C1QTNF3: variants seen among roughly 807,000 people sequenced by gnomAD.
The protein encoded by C1QTNF3 is complement C1q tumor necrosis factor-related protein 3.
C1QTNF3 carries 26 observed loss-of-function variants against 32.6 expected under a neutral mutation model. The ratio of observed to expected loss-of-function variants is 0.80; its 90% CI spans 0.58 to 1.11. C1QTNF3 has a LOEUF of 1.11. Ranked by LOEUF, C1QTNF3 falls within the 50% of genes least tolerant of loss-of-function variation. The pLI is 0.00. For missense variants in C1QTNF3, 362 were observed against 398.2 expected (o/e 0.91, Z 0.77); for synonymous variants, 155 against 146.0 (o/e 1.06, Z -0.44).
the C1QTNF3 span, among the ~76,000 whole-genome samples, chr5:34,215,351 G>A: frequency 6.6e-6 from 1 of 152,078 alleles, no homozygotes; most frequent in Admixed American, 6.6e-5. Flanking sequence ...GAAAAACTTT[G>A]ATGTGCTACA....
chr5:34,172,000 A>G, the C1QTNF3 span, among the ~76,000 whole-genome samples: 2 of 152,210 alleles, frequency 1.3e-5, no homozygotes, highest in South Asian at 4.1e-4. Context: ...TCAGAATTTC[A>G]TGAGATGTTG....
chr5:34,033,498 AC>A lies in C1QTNF3; in HGVS notation c.416-41del, dbSNP rs561958508. ...CATCATCACATGAGAAAACCCAGTCACTCATACTTACCATCCATTTCTAGAC... is the reference window on the plus strand; with the variant it reads ...CATCATCACATGAGAAAACCCAGTCATCATACTTACCATCCATTTCTAGAC... On this transcript the variant is annotated intron_variant, in intron 2 of 5. Coordinates refer to ENST00000382065, the MANE Select transcript of C1QTNF3 (RefSeq NM_181435.6). The A allele has an allele frequency of 4.0e-5, 65 of 1,612,658 alleles. No homozygotes were observed. In the African/African-American group the frequency reaches 8.1e-4, roughly 20 times the overall value.
chr5:34,230,669 C>T, the C1QTNF3 span, among the ~76,000 whole-genome samples: 3 of 152,124 alleles, frequency 2.0e-5, no homozygotes, highest in East Asian at 1.9e-4. Context: ...TTACATATAG[C>T]GTAAATCAAT....
chr5:34,032,692 A>AG (rs1754644747), intron 3 of C1QTNF3, among the ~76,000 whole-genome samples: 1 of 152,134 alleles, frequency 6.6e-6, no homozygotes, highest in Non-Finnish European at 1.5e-5. Context: ...AGCTATAGGG[A>AG]GGCTGAGGCA....
chr5:34,031,569 A>G (rs1351472835), intron 3 of C1QTNF3, among the ~76,000 whole-genome samples: 1 of 152,214 alleles, frequency 6.6e-6, no homozygotes, highest in Non-Finnish European at 1.5e-5. Context: ...ACAGTGGCTC[A>G]CACCTGTAAT....
the C1QTNF3 span, among the ~76,000 whole-genome samples, chr5:34,155,191 C>T: frequency 6.6e-6 from 1 of 152,000 alleles, no homozygotes; most frequent in African/African-American, 2.4e-5. Flanking sequence ...TGTTTTGGTC[C>T]TATAATTGGC....
At chr5:34,201,184 C>T in the C1QTNF3 span, among the ~76,000 whole-genome samples, 1 of 151,216 alleles carries the variant, frequency 6.6e-6, no homozygotes, top group Non-Finnish European at 1.5e-5. Flanking sequence ...GATGAGCAAG[C>T]GTGTACTTTT....
the C1QTNF3 span, among the ~76,000 whole-genome samples, chr5:34,057,226 T>G: frequency 6.6e-6 from 1 of 152,118 alleles, no homozygotes; most frequent in African/African-American, 2.4e-5. Flanking sequence ...TATCAAGAGA[T>G]AAGTAGAACA....
the C1QTNF3 span, among the ~76,000 whole-genome samples, chr5:34,226,225 A>G: frequency 6.6e-6 from 1 of 151,940 alleles, no homozygotes; most frequent in Non-Finnish European, 1.5e-5. Context: ...TCACCCTACA[A>G]AAGAGAGAAA....
At chr5:34,084,557 T>C in the C1QTNF3 span, among the ~76,000 whole-genome samples, 2 of 151,390 alleles carry the variant, frequency 1.3e-5, no homozygotes, top group African/African-American at 2.5e-5. Context: ...CTTAATTGCA[T>C]TGCGCCCCTC....
chr5:34,147,896 G>A, the C1QTNF3 span, among the ~76,000 whole-genome samples: 1 of 152,214 alleles, frequency 6.6e-6, no homozygotes, highest in Admixed American at 6.5e-5. Context: ...ACAGCTCCCA[G>A]CGTGAGCGAC....
chr5:34,170,675 A>G, the C1QTNF3 span, among the ~76,000 whole-genome samples: 2 of 152,180 alleles, frequency 1.3e-5, no homozygotes, highest in Non-Finnish European at 1.5e-5. Context: ...TTCAAACTTC[A>G]GAAAATATAT....
chr5:34,212,536 A>T, the C1QTNF3 span, among the ~76,000 whole-genome samples: 1 of 152,060 alleles, frequency 6.6e-6, no homozygotes, highest in African/African-American at 2.4e-5. Context: ...AGAATCTACA[A>T]TGAACTCAAA....
At chr5:34,226,284 T>A in the C1QTNF3 span, among the ~76,000 whole-genome samples, 1 of 151,946 alleles carries the variant, frequency 6.6e-6, no homozygotes, top group South Asian at 2.1e-4. Context: ...ATTAAAGCTA[T>A]TGTGAGGGCT....
chr5:34,043,221 G>T, upstream of C1QTNF3: 2 of 1,319,882 alleles, frequency 1.5e-6, no homozygotes, highest in Non-Finnish European at 2.1e-6. Context: ...GCTGAGAGCT[G>T]CAGCGGCGGA....
At chr5:34,127,805 A>G in the C1QTNF3 span, among the ~76,000 whole-genome samples, 2 of 151,600 alleles carry the variant, frequency 1.3e-5, no homozygotes, top group Non-Finnish European at 2.9e-5. Flanking sequence ...AGATGGTTTG[A>G]AATTGGAATT....
the C1QTNF3 span, among the ~76,000 whole-genome samples, chr5:34,137,998 TC>T: frequency 7.9e-5 from 12 of 152,186 alleles, no homozygotes; most frequent in Non-Finnish European, 1.5e-4. Flanking sequence ...ATATCTGGTG[TC>T]CTTTTAAAAA....
At chr5:34,064,160 C>A in the C1QTNF3 span, among the ~76,000 whole-genome samples, 1 of 152,188 alleles carries the variant, frequency 6.6e-6, no homozygotes, top group African/African-American at 2.4e-5. Flanking sequence ...GTCCAGCAGC[C>A]ACGCTAATCT....
the C1QTNF3 span, among the ~76,000 whole-genome samples, chr5:34,094,153 GC>G: frequency 6.6e-6 from 1 of 152,142 alleles, no homozygotes; most frequent in African/African-American, 2.4e-5. Flanking sequence ...CAATTTTGCT[GC>G]AATAGAATGG....
Sources: allele counts gnomAD v4.1 joint callset (sites outside exome capture counted in the v4.1 genomes callset), GRCh38; gene constraint gnomAD v4.1.1; transcripts MANE v1.5; gene names NCBI Gene and HGNC (gene_info 2026-07-23, HGNC 2026-07-21).